Variants in ST6GALNAC2 observed in about 807,000 individuals in gnomAD.
The protein encoded by ST6GALNAC2 is ST6 N-acetylgalactosaminide alpha-2,6-sialyltransferase 2, also known as alpha-N-acetylgalactosaminide alpha-2,6-sialyltransferase 2.
Under a neutral mutation model 38.7 loss-of-function variants are expected in ST6GALNAC2, and 42 were observed. That is an observed-to-expected ratio of 1.09 (90% CI 0.85 to 1.40). ST6GALNAC2 has a LOEUF of 1.40. ST6GALNAC2 is among the 40% of genes most tolerant of loss of function. The pLI, the probability that ST6GALNAC2 is intolerant of heterozygous loss-of-function variation, is 0.00. For synonymous variants in ST6GALNAC2, 233 were observed against 209.0 expected (o/e 1.11, Z -0.99); for missense variants, 506 against 481.7 (o/e 1.05, Z -0.47).
intron 1 of ST6GALNAC2, among the ~76,000 whole-genome samples, chr17:76,583,138 G>A (rs2075499312): frequency 6.6e-6 from 1 of 152,102 alleles, no homozygotes; most frequent in Non-Finnish European, 1.5e-5. Flanking sequence ...CACTTTGGGA[G>A]GCCCAGGTGG....
chr17:76,579,444 C>A (rs1017882355), intron 1 of ST6GALNAC2, among the ~76,000 whole-genome samples: 1 of 152,238 alleles, frequency 6.6e-6, no homozygotes, highest in African/African-American at 2.4e-5. Flanking sequence ...CCTGACAGGG[C>A]CCCAGAGGCA....
chr17:76,577,416 T>C (rs1387372993), intron 2 of ST6GALNAC2, among the ~76,000 whole-genome samples: 1 of 151,846 alleles, frequency 6.6e-6, no homozygotes, highest in East Asian at 1.9e-4. Context: ...GACCCTTTGG[T>C]TTAGACCAGG....
At position 76,573,426 on chromosome 17, in the gene ST6GALNAC2, C is replaced by T. The variant is rs1488349959; in HGVS notation, c.362-63G>A. On this transcript the variant is annotated intron_variant, in intron 3 of 8. Transcript: ENST00000225276. The surrounding 1 kb of genome is among the most constrained non-coding windows in gnomAD (Gnocchi z 5.1). Reference sequence around the variant, plus strand: ...GGCATCGGGGGCACCTGGGGCCTTCCCTAGGCTGGTTCTGGTGCCCCATCT... The same window carrying T: ...GGCATCGGGGGCACCTGGGGCCTTCTCTAGGCTGGTTCTGGTGCCCCATCT... 1 of 1,429,180 alleles carries T rather than the reference C, an allele frequency of 7.0e-7. No individual in the cohort carries two copies. Among genetic ancestry groups the T allele is most frequent in the Non-Finnish European group, 9.2e-7 (1 of 1,086,074 alleles). The allele number at this position is 1,429,180 out of a possible 1,614,324, so 88.5% of individuals were successfully genotyped here. A position where few individuals can be genotyped will look rare whatever the true frequency, so the allele number is the denominator to read the frequency against.
chr17:76,579,709 T>C (rs556569114), intron 1 of ST6GALNAC2, among the ~76,000 whole-genome samples: 2 of 152,336 alleles, frequency 1.3e-5, no homozygotes, highest in Admixed American at 6.5e-5. Context: ...TTAGTTATTG[T>C]GGAGTGGGTT....
At chr17:76,577,842 G>A (rs1488270581) in intron 2 of ST6GALNAC2, among the ~76,000 whole-genome samples, 1 of 152,048 alleles carries the variant, frequency 6.6e-6, no homozygotes, top group African/African-American at 2.4e-5. Context: ...CAAAGTGCTG[G>A]GATTACAGGT....
intron 1 of ST6GALNAC2, among the ~76,000 whole-genome samples, chr17:76,582,502 T>C (rs769019317): frequency 6.6e-6 from 1 of 152,156 alleles, no homozygotes; most frequent in African/African-American, 2.4e-5. Context: ...TAAAATGTTC[T>C]CTTTTTAAAA....
Position 76,581,529 on chromosome 17 carries a change from C to T in ST6GALNAC2, c.126-2713G>A, listed in dbSNP as rs116688376. 4.6e-3 allele frequency among the ~76,000 whole-genome samples: 699 copies of T among 151,416 alleles called. 9 individuals are homozygous for T. The highest frequency in any genetic ancestry group is 0.016 in the African/African-American group (663 of 41,386). On this transcript the variant is annotated intron_variant, in intron 1 of 8. Transcript: ENST00000225276. ...GCTGCGGGACAGGGCAGAGTTGAGA[C>T]GGGTGGGGGACAGGGGTAGAGCTGT...
In ST6GALNAC2 at chr17:76,585,745, G is replaced by A. The variant is rs754219461; in HGVS notation, c.64C>T (p.Leu22Phe). The A allele has an allele frequency of 3.9e-6, 6 of 1,548,342 alleles. No individual in the cohort carries two copies. In the Admixed American group the frequency reaches 1.2e-4, roughly 30 times the overall value. The change falls in exon 1 of 9, where the codon CTC becomes TTC. Residue 22 changes from leucine (L) to phenylalanine (F), a missense_variant. By Grantham distance (22) the Leu-to-Phe change is conservative. Transcript: ENST00000225276. ...LLLLTAACSG[L>F]LFALYFSAVQ... Reference sequence around the variant, plus strand: ...GCCGAGAAGTACAGGGCAAAGAGGAGCCCCGAGCAGGCAGCCGTGAGCAGG... The same window carrying A: ...GCCGAGAAGTACAGGGCAAAGAGGAACCCCGAGCAGGCAGCCGTGAGCAGG...
rs975406436 is a variant in ST6GALNAC2, at chr17:76,570,645, G to A, written c.693C>T (p.Pro231=). ...QGQDLQYIFI[P]SDIRDYVMLR... ...GCATCACATAGTCGCGGATGTCTGAGGGGATGAAGATATACTGCAGGTCCT... is the reference window on the plus strand; with the variant it reads ...GCATCACATAGTCGCGGATGTCTGAAGGGATGAAGATATACTGCAGGTCCT... The change falls in exon 6 of 9, where the codon CCC becomes CCT. Residue 231 remains proline, a synonymous_variant. Transcript: ENST00000225276. The A allele has an allele frequency of 1.9e-6, 3 of 1,612,534 alleles. No individual in the cohort carries two copies. Among genetic ancestry groups the A allele is most frequent in the Non-Finnish European group, 2.5e-6 (3 of 1,179,576 alleles).
intron 5 of ST6GALNAC2, among the ~76,000 whole-genome samples, chr17:76,572,159 C>T (rs866652394): frequency 2.9e-4 from 44 of 152,216 alleles, no homozygotes; most frequent in African/African-American, 1.0e-3. Context: ...CTCAGGGCTG[C>T]TGTGGTGACC....
At chr17:76,576,227 A>G (rs2075414139) in intron 2 of ST6GALNAC2, among the ~76,000 whole-genome samples, 1 of 152,166 alleles carries the variant, frequency 6.6e-6, no homozygotes, top group African/African-American at 2.4e-5. Flanking sequence ...TGGGCAACAG[A>G]GTGAGACCCC....
chr17:76,570,164 G>A (rs539653451), intron 6 of ST6GALNAC2: 1 of 193,696 alleles, frequency 5.2e-6, no homozygotes, highest in Non-Finnish European at 1.1e-5. Flanking sequence ...CCCAACTCTT[G>A]TTTCCAGCAC....
chr17:76,578,851 A>G (rs779043916), intron 1 of ST6GALNAC2, 35 bp from the exon 2 acceptor site: 2 of 1,596,878 alleles, frequency 1.3e-6, no homozygotes, highest in South Asian at 2.2e-5. Flanking sequence ...AGGGGTCAGC[A>G]GCTCTGACCT....
At chr17:76,575,789 T>A (rs1267081697) in intron 2 of ST6GALNAC2, among the ~76,000 whole-genome samples, 1 of 152,230 alleles carries the variant, frequency 6.6e-6, no homozygotes, top group African/African-American at 2.4e-5. Context: ...TCACACACAG[T>A]CATGGCCTGG....
At chr17:76,568,899 GC>G in intron 6 of ST6GALNAC2, 103 bp from the exon 7 acceptor site, 1 of 1,069,064 alleles carries the variant, frequency 9.4e-7, no homozygotes, top group Non-Finnish European at 1.4e-6. Context: ...GGTACCCTGA[GC>G]GGTAGGAGCG....
At chr17:76,582,164 C>CTTTTTTTTTTTTT (rs71158025) in intron 1 of ST6GALNAC2, among the ~76,000 whole-genome samples, 4 of 62,046 alleles carry the variant, frequency 6.4e-5, no homozygotes, top group African/African-American at 2.6e-4. Flanking sequence ...CGTGCCCAGC[C>CTTTTTTTTTTTTT]TTTTTTTTTT....
Position 76,571,444 on chromosome 17 carries a change from A to T in ST6GALNAC2, c.670-776T>A, listed in dbSNP as rs1266548958. Among the ~76,000 whole-genome samples the T allele has an allele frequency of 2.0e-5, 3 of 152,260 alleles. No individual in the cohort carries two copies. In the East Asian group the frequency reaches 5.8e-4, roughly 29 times the overall value. On this transcript the variant is annotated intron_variant, in intron 5 of 8. Transcript: ENST00000225276. ...CCCCATCTCCACTAAAAATACAAAA[A>T]TTAGCCAGGCGTGGTGGTGCGTGCC...
chr17:76,574,582 C>G, intron 2 of ST6GALNAC2, 43 bp from the exon 3 acceptor site: 6 of 414,782 alleles, frequency 1.4e-5, no homozygotes, highest in Non-Finnish European at 3.0e-5. Flanking sequence ...TAGGTAGGGG[C>G]TGGGGTGGGT....
chr17:76,574,176 C>A (rs2075386145), intron 3 of ST6GALNAC2, among the ~76,000 whole-genome samples, 189 bp downstream of exon 3: 1 of 152,132 alleles, frequency 6.6e-6, no homozygotes, highest in African/African-American at 2.4e-5. Context: ...CTCTCACTGA[C>A]CCCTGGGTGC....
Sources: gnomAD v4.1 joint callset for allele counts (sites outside exome capture counted in the v4.1 genomes callset) on GRCh38, gnomAD v4.1.1 for gene constraint, Gnocchi (gnomAD v3.1) non-coding constraint, MANE v1.5 for transcripts, NCBI Gene and HGNC (gene_info 2026-07-23, HGNC 2026-07-21) for gene names.